CABLES2: variants seen among roughly 807,000 people sequenced by gnomAD.
CABLES2 encodes Cdk5 and Abl enzyme substrate 2.
Under a neutral mutation model 44.8 loss-of-function variants are expected in CABLES2, and 35 were observed. The observed-to-expected ratio is 0.78, with a 90% CI of 0.60 to 1.04. CABLES2 has a LOEUF of 1.04. Among genes scored for constraint, CABLES2 ranks in the 50% least tolerant of loss-of-function variants. CABLES2 has a pLI of 0.00. For synonymous variants in CABLES2, 282 were observed against 281.1 expected, an observed-to-expected ratio of 1.00 and a Z score of -0.03; for missense variants, 566 against 615.7, an observed-to-expected ratio of 0.92 and a Z score of 0.85.
rs1381202992 is a variant in CABLES2 at position 62,398,140 on chromosome 20, TG to T, written c.363-1549del. On this transcript the variant is annotated intron_variant, in intron 1 of 9. Coordinates refer to ENST00000279101, the MANE Select transcript of CABLES2 (RefSeq NM_031215.3). ...GTGGTGGTGGTTATGACGGTGGTGA[TG>T]GTGGTGGTGGTGGTGACGGTGATGG... Among the ~76,000 whole-genome samples, 4 of 134,652 alleles carry T rather than the reference TG, an allele frequency of 3.0e-5. No homozygotes were observed. In the East Asian group the frequency reaches 8.7e-4, roughly 29 times the overall value. 88.3% of individuals were successfully genotyped at this position (134,652 alleles called of 152,430 possible).
At position 62,393,051 on chromosome 20, in the gene CABLES2, C is replaced by G. The variant is rs972994720; in HGVS notation, c.881-28G>C. The G allele has an allele frequency of 3.1e-6, 5 of 1,592,888 alleles. No homozygotes were observed. The African/African-American group carries it at 5.4e-5, about 17-fold the overall frequency. On this transcript the variant is annotated intron_variant, in intron 6 of 9. Coordinates refer to ENST00000279101, the MANE Select transcript of CABLES2 (RefSeq NM_031215.3). The stretch of plus-strand genomic sequence containing the variant: ...GTAAGAGAGGCAACCCCTGACCCAC[C>G]AGGAGTCTTGAGCAGTACCCATCTA...
chr20:62,398,148 G>GTGGTGATGGTGA (rs1346932386), intron 1 of CABLES2, among the ~76,000 whole-genome samples: 1 of 108,716 alleles, frequency 9.2e-6, no homozygotes, highest in East Asian at 2.4e-4. Flanking sequence ...GATGGTGGTG[G>GTGGTGATGGTGA]TGGTGGTGAC....
intron 1 of CABLES2, among the ~76,000 whole-genome samples, chr20:62,398,211 ATG>A (rs1491173636): frequency 5.3e-4 from 12 of 22,824 alleles, no homozygotes; most frequent in South Asian, 2.3e-3. Flanking sequence ...GGTGATGGTG[ATG>A]TGATGGTGGT....
rs1569017311 is a variant in CABLES2, at chr20:62,397,995, ATGATGGTGATGGTTATGG to A, written c.363-1421_363-1404del. Among the ~76,000 whole-genome samples, 248 of 57,010 alleles carry A rather than the reference ATGATGGTGATGGTTATGG, an allele frequency of 4.4e-3. 1 individual carries two copies. The highest frequency in any genetic ancestry group is 0.021 in the African/African-American group (229 of 10,844). The allele number at this position is 57,010 out of a possible 152,430, so 37.4% of individuals were successfully genotyped here. On this transcript the variant is annotated intron_variant, in intron 1 of 9. Coordinates refer to ENST00000279101, the MANE Select transcript of CABLES2 (RefSeq NM_031215.3). ...GACAGTGGTGATGGCGGTGGTGGTG[ATGATGGTGATGGTTATGG>A]CGGTGGTGGTGGTGGTGACAGTGAT...
Position 62,396,317 on chromosome 20 carries a change from G to A in CABLES2, c.525C>T (p.Ser175=), listed in dbSNP as rs1988018131. The stretch of plus-strand genomic sequence containing the variant: ...CGGTTCCCGGCTCCGCTTCATACCT[G>A]CTGTTCCTGGTGTCGTACTGCCTCA... ...KNMRQYDTRN[S]RIVLICAKRS... is the part of the protein sequence containing the mutation. The change falls in exon 3 of 10, where the codon AGC becomes AGT. Residue 175 remains serine, a splice_region_variant and synonymous_variant. Transcript: ENST00000279101. This position sits in a 1 kb window ranked among gnomAD's most constrained non-coding sequence, Gnocchi z 5.7. 6.2e-7 allele frequency: 1 copy of A among 1,613,268 alleles called. No homozygotes were observed. The highest frequency in any genetic ancestry group is 1.3e-5 in the African/African-American group (1 of 74,854).
intron 1 of CABLES2, among the ~76,000 whole-genome samples, chr20:62,402,039 T>C (rs6089223): frequency 0.18 from 27,626 of 150,492 alleles, 2,735 homozygotes; most frequent in Middle Eastern, 0.26. Flanking sequence ...AGAGTTACAC[T>C]GGCGGTGCCT....
chr20:62,403,469 G>A (rs1471431544), intron 1 of CABLES2: 4 of 152,624 alleles, frequency 2.6e-5, no homozygotes, highest in South Asian at 2.1e-4. Context: ...CCACAAGCCC[G>A]GGAGTGCGTG....
Position 62,388,683 on chromosome 20 carries a change from A to G in CABLES2, c.*2288T>C, listed in dbSNP as rs73316959. The G allele has an allele frequency of 5.5e-3, 3,262 of 593,862 alleles. 94 individuals are homozygous for G. The African/African-American group carries it at 0.055, about 10-fold the overall frequency. 36.8% of individuals were successfully genotyped at this position (593,862 alleles called of 1,614,324 possible). On this transcript the variant is annotated 3_prime_UTR_variant, in exon 10 of 10. Transcript: ENST00000279101. ...AAATACATTATCCATTTAAAAACAG[A>G]TATCTAAGACAAAATAACTCAAACA...
At chr20:62,393,411 C>T in intron 6 of CABLES2, 29 bp downstream of exon 6, 1 of 1,565,968 alleles carries the variant, frequency 6.4e-7, no homozygotes, top group Non-Finnish European at 8.7e-7. Flanking sequence ...TCACCCTGTT[C>T]CAGGCCGTGG....
At chr20:62,403,786 T>G (rs1988231723) in intron 1 of CABLES2, 1 of 152,236 alleles carries the variant, frequency 6.6e-6, no homozygotes, top group African/African-American at 2.4e-5. Context: ...AAACAAGGAT[T>G]CTAATGATTC....
chr20:62,393,778 A>G (rs1987963933), intron 5 of CABLES2, among the ~76,000 whole-genome samples, 173 bp from the exon 6 acceptor site: 1 of 152,258 alleles, frequency 6.6e-6, no homozygotes, highest in African/African-American at 2.4e-5. Context: ...TGCTCCTCAC[A>G]TAGCTAGAAC....
At chr20:62,398,940 G>A (rs1988136597) in intron 1 of CABLES2, among the ~76,000 whole-genome samples, 1 of 152,214 alleles carries the variant, frequency 6.6e-6, no homozygotes, top group Non-Finnish European at 1.5e-5. Context: ...CGCCAACATT[G>A]ATGCTGTCAT....
intron 3 of CABLES2, among the ~76,000 whole-genome samples, chr20:62,395,299 A>G (rs946981502): frequency 3.7e-5 from 5 of 134,552 alleles, no homozygotes; most frequent in Non-Finnish European, 6.4e-5. Context: ...GACATCCCGA[A>G]GGCTCCTTCC....
chr20:62,398,231 ACGGTGGTGATGATGGTGATGG>A (rs1988113742), intron 1 of CABLES2, among the ~76,000 whole-genome samples: 1 of 59,652 alleles, frequency 1.7e-5, no homozygotes, highest in Admixed American at 1.7e-4. Flanking sequence ...GGTGGTGGTG[ACGGTGGTGATGATGGTGATGG>A]TGGTGGTGAT....
In CABLES2 at chr20:62,407,112, G is replaced by A. The variant is rs1438993282; in HGVS notation, c.165C>T (p.Ile55=). 3 of 1,040,648 alleles carry A rather than the reference G, an allele frequency of 2.9e-6. No homozygotes were observed. In the South Asian group the frequency reaches 1.3e-4, roughly 45 times the overall value. 64.5% of individuals were successfully genotyped at this position (1,040,648 alleles called of 1,614,324 possible). A position where few individuals can be genotyped will look rare whatever the true frequency, so the allele number is the denominator to read the frequency against. ...GGCTCGGGGGCCGCCCGTCCAGGGA[G>A]ATGTTGTTGAGGAAGAAAAGCGCGG... The part of the protein sequence containing the change: ...RQAALFFLNN[I]SLDGRPPSLG... Residue 55 remains isoleucine, a synonymous_variant, in exon 1 of 10, where the codon ATC becomes ATT. Coordinates refer to ENST00000279101, the MANE Select transcript of CABLES2 (RefSeq NM_031215.3).
chr20:62,407,266 G>A lies in CABLES2; in HGVS notation c.11C>T (p.Ala4Val), dbSNP rs1222512037. 7.0e-6 allele frequency: 4 copies of A among 572,846 alleles called. No individual in the cohort carries two copies. The highest frequency in any genetic ancestry group is 6.6e-5 in the Admixed American group (1 of 15,194). The allele number at this position is 572,846 out of a possible 1,614,324, so 35.5% of individuals were successfully genotyped here. MAA[A>V]AAGGAPGPAP... is the part of the protein sequence containing the mutation. ...CGGGCCCGGGGCTCCACCGGCCGCG[G>A]CCGCGGCCATCCTCAGACTGCGCCC... The change falls in exon 1 of 10, where the codon GCC becomes GTC. Residue 4 changes from alanine to valine, a missense_variant. Physicochemically the swap from Ala to Val is moderately conservative, Grantham distance 64 (BLOSUM62 0). Transcript: ENST00000279101.
chr20:62,392,237 G>T, intron 8 of CABLES2, 152 bp downstream of exon 8: 1 of 623,294 alleles, frequency 1.6e-6, no homozygotes. Context: ...AGGTGGGGGA[G>T]CTGCTGCTGG....
chr20:62,396,673 T>C lies in CABLES2; in HGVS notation c.363-81A>G. On this transcript the variant is annotated intron_variant, in intron 1 of 9. Coordinates refer to ENST00000279101, the MANE Select transcript of CABLES2 (RefSeq NM_031215.3). This position sits in a 1 kb window ranked among gnomAD's most constrained non-coding sequence, Gnocchi z 5.7. ...TGGCCAGAAACCGAGTGCCGCCCGC[T>C]GTGCAGGGAAGGGCCACTCTCCAGC... 7.0e-7 allele frequency: 1 copy of C among 1,429,940 alleles called. No homozygotes were observed. The highest frequency in any genetic ancestry group is 9.6e-7 in the Non-Finnish European group (1 of 1,038,632). 88.6% of individuals were successfully genotyped at this position (1,429,940 alleles called of 1,614,324 possible). A position where few individuals can be genotyped will look rare whatever the true frequency, so the allele number is the denominator to read the frequency against.
chr20:62,392,930 G>A lies in CABLES2; in HGVS notation c.974C>T (p.Ala325Val), dbSNP rs759284590. 8.7e-6 allele frequency: 14 copies of A among 1,613,632 alleles called. No individual in the cohort carries two copies. Among genetic ancestry groups the A allele is most frequent in the East Asian group, 4.5e-5 (2 of 44,902 alleles). The part of the protein sequence containing the change: ...CGKHKRVLIF[A>V]SYMTTVIEYV... ...GGAGAGGGCACTCACCATGTACGAC[G>A]CAAAGATGAGGACACGTTTGTGCTT... The change falls in exon 7 of 10, where the codon GCG (alanine) becomes GTG (valine). Residue 325 changes from alanine to valine, a missense_variant. Around this residue, in one of 2 missense-constraint regions of CABLES2, gnomAD observed 436 missense variants for 536.3 expected, o/e 0.81. Transcript: ENST00000279101.
Sources: allele counts gnomAD v4.1 joint callset (sites outside exome capture counted in the v4.1 genomes callset), GRCh38; gene constraint gnomAD v4.1.1; regional missense constraint gnomAD v4.1.1; non-coding constraint Gnocchi (gnomAD v3.1); transcripts MANE v1.5; gene names NCBI Gene and HGNC (gene_info 2026-07-23, HGNC 2026-07-21).